DNASE1: variants seen among roughly 807,000 people sequenced by gnomAD.
DNASE1 encodes the protein deoxyribonuclease 1, also known as deoxyribonuclease-1.
In DNASE1, 40 loss-of-function variants were observed where a neutral mutation model predicts 33.9. The observed-to-expected ratio is 1.18, with a 90% CI of 0.92 to 1.54. The LOEUF (loss-of-function observed/expected upper bound fraction) is 1.54, where lower values mean the gene tolerates loss of function less well. Ranked by LOEUF, DNASE1 falls within the 40% of genes most tolerant of loss-of-function variation. DNASE1 has a pLI of 0.00. For missense variants in DNASE1, 518 were observed against 372.6 expected, an observed-to-expected ratio of 1.39 and a Z score of -3.21; for synonymous variants, 216 against 160.0, an observed-to-expected ratio of 1.35 and a Z score of -2.64.
chr16:3,656,906 C>A, intron 5 of DNASE1, 93 bp from the exon 6 acceptor site: 1 of 1,554,808 alleles, frequency 6.4e-7, no homozygotes, highest in Non-Finnish European at 8.7e-7. Flanking sequence ...ATCCACCCCC[C>A]GGGGGGACTG....
At chr16:3,623,719 AG>A (rs1347905259) in intron 1 of DNASE1, among the ~76,000 whole-genome samples, 1 of 152,146 alleles carries the variant, frequency 6.6e-6, no homozygotes, top group African/African-American at 2.4e-5. Context: ...GGATCACTTG[AG>A]GCCAGGAATT....
rs760293721 is a variant in DNASE1, at chr16:3,664,488, A to C, written c.*6535A>C. 2.5e-6 allele frequency: 4 copies of C among 1,587,560 alleles called. No homozygotes were observed. In the South Asian group the frequency reaches 4.6e-5, roughly 18 times the overall value. Reference sequence around the variant, plus strand: ...GAAGGGACGGGGCAGGTCACCACTTATTCCAGGCCCATGGGCTCAATGTTG... The same window carrying C: ...GAAGGGACGGGGCAGGTCACCACTTCTTCCAGGCCCATGGGCTCAATGTTG... On this transcript the variant is annotated 3_prime_UTR_variant, in exon 10 of 10. Coordinates refer to the DNASE1 transcript ENST00000407479.
chr16:3,664,756 C>T (rs537551825), exon 10 of DNASE1: 38 of 358,714 alleles, frequency 1.1e-4, no homozygotes, highest in Middle Eastern at 7.7e-4. Context: ...CAGCAGAGCC[C>T]GGCCTGGACC....
intron 1 of DNASE1, 42 bp from the exon 2 acceptor site, chr16:3,655,331 C>T (rs375169002): frequency 1.5e-5 from 24 of 1,612,238 alleles, no homozygotes; most frequent in African/African-American, 6.7e-5. Flanking sequence ...GCAGGGATGA[C>T]GTCTCACTTC....
At chr16:3,639,700 C>A (rs569433700), upstream of DNASE1, among the ~76,000 whole-genome samples, 1 of 152,168 alleles carries the variant, frequency 6.6e-6, no homozygotes, top group East Asian at 1.9e-4. Context: ...GGTTTCTGTC[C>A]CCTGGTGGGA....
chr16:3,637,330 C>T (rs962261618), intron 1 of DNASE1, among the ~76,000 whole-genome samples: 6 of 151,882 alleles, frequency 4.0e-5, no homozygotes, highest in Non-Finnish European at 5.9e-5. Flanking sequence ...CAGGTTTTTC[C>T]GTTCTATTCT....
At position 3,657,003 on chromosome 16, in the gene DNASE1, C is replaced by G. The variant is rs752528209; in HGVS notation, c.441C>G (p.Val147=). ...IVRFFSRFTE[V]REFAIVPLHA... ...ACGACGTGGCTGTCTCCACAGAGGT[C>G]AGGGAGTTTGCCATTGTTCCCCTGC... Residue 147 remains valine (V), a synonymous_variant, in exon 6 of 9, where the codon GTC becomes GTG. Transcript: ENST00000246949. 1.4e-5 allele frequency: 22 copies of G among 1,613,630 alleles called. No homozygotes were observed. In the South Asian group the frequency reaches 2.1e-4, roughly 15 times the overall value.
exon 10 of DNASE1, chr16:3,663,374 G>A (rs551498401): frequency 3.1e-5 from 50 of 1,610,922 alleles, no homozygotes; most frequent in East Asian, 2.0e-4. Flanking sequence ...CAGGAGAGGC[G>A]TGCGGGGAGT....
intron 1 of DNASE1, among the ~76,000 whole-genome samples, chr16:3,629,645 A>G (rs9933853): frequency 0.01 from 1,560 of 152,274 alleles, 26 homozygotes; most frequent in African/African-American, 0.036. Flanking sequence ...AGTTTTGAGA[A>G]GGGTTGGTAC....
At chr16:3,617,116 C>T (rs2041130485) in intron 1 of DNASE1, among the ~76,000 whole-genome samples, 1 of 151,696 alleles carries the variant, frequency 6.6e-6, no homozygotes, top group African/African-American at 2.4e-5. Context: ...CACCAGAGGT[C>T]AGGAGTTTGA....
chr16:3,634,338 C>T (rs1037127003), intron 1 of DNASE1, among the ~76,000 whole-genome samples: 3 of 152,046 alleles, frequency 2.0e-5, no homozygotes, highest in Non-Finnish European at 4.4e-5. Context: ...GCACCATTCT[C>T]CTGCCTCAGC....
chr16:3,664,333 T>TG lies in DNASE1; in HGVS notation c.*6385dup, dbSNP rs754043164. 49 of 1,612,670 alleles carry TG rather than the reference T, an allele frequency of 3.0e-5. No individual in the cohort carries two copies. The South Asian group carries it at 3.9e-4, about 13-fold the overall frequency. On this transcript the variant is annotated 3_prime_UTR_variant, in exon 10 of 10. Transcript: ENST00000407479. ...GGTGAGTGCTCTGCCAGGTGACGGTTGGGGGCGCACAGGTAGTAGATGTTG... is the reference window on the plus strand; with the variant it reads ...GGTGAGTGCTCTGCCAGGTGACGGTTGGGGGGCGCACAGGTAGTAGATGTTG...
intron 1 of DNASE1, among the ~76,000 whole-genome samples, chr16:3,631,607 C>T (rs1183575725): frequency 6.6e-6 from 1 of 152,160 alleles, no homozygotes; most frequent in Non-Finnish European, 1.5e-5. Context: ...TCACTGCAAC[C>T]TCTACCTCCC....
intron 1 of DNASE1, among the ~76,000 whole-genome samples, chr16:3,613,581 C>T (rs2040986352): frequency 6.6e-6 from 1 of 152,154 alleles, no homozygotes; most frequent in African/African-American, 2.4e-5. Context: ...GCTTGGAAAT[C>T]TAAGTTAGTT....
chr16:3,612,811 G>A (rs1220546456), intron 1 of DNASE1, among the ~76,000 whole-genome samples: 2 of 152,106 alleles, frequency 1.3e-5, no homozygotes, highest in Non-Finnish European at 2.9e-5. Context: ...AGAGCGGCCC[G>A]AATTAGGAGG....
intron 1 of DNASE1, among the ~76,000 whole-genome samples, chr16:3,615,232 AAG>A (rs2041059141): frequency 6.6e-6 from 1 of 152,190 alleles, no homozygotes; most frequent in Non-Finnish European, 1.5e-5. Flanking sequence ...GGCTAAGTAT[AAG>A]AGAGATGGCA....
Position 3,657,045 on chromosome 16 carries a change from C to T in DNASE1, c.483C>T (p.Asp161=), listed in dbSNP as rs201205627. The T allele has an allele frequency of 6.6e-5, 107 of 1,613,602 alleles. No individual in the cohort carries two copies. Among genetic ancestry groups the T allele is most frequent in the Middle Eastern group, 3.3e-4 (2 of 6,084 alleles). The change falls in exon 6 of 9, where the codon GAC becomes GAT. Residue 161 remains aspartate (D), a synonymous_variant. Coordinates refer to ENST00000246949, the MANE Select transcript of DNASE1 (RefSeq NM_005223.4). ...AIVPLHAAPG[D]AVAEIDALYD... ...TTCCCCTGCATGCGGCCCCGGGGGA[C>T]GCAGTAGCCGAGATCGACGCTCTCT...
At chr16:3,663,676 A>AACTGCCCCGGTGTTCC in exon 10 of DNASE1, 1 of 1,381,064 alleles carries the variant, frequency 7.2e-7, no homozygotes, top group Non-Finnish European at 9.8e-7. Context: ...ACTGGGGAAC[A>AACTGCCCCGGTGTTCC]CCGGGGCAGT....
At chr16:3,626,224 G>C (rs1022756385) in intron 1 of DNASE1, among the ~76,000 whole-genome samples, 1 of 151,702 alleles carries the variant, frequency 6.6e-6, no homozygotes, top group Non-Finnish European at 1.5e-5. Flanking sequence ...TAGAAAAACA[G>C]GCAAGAGACT....
Sources: gnomAD v4.1 joint callset for allele counts (sites outside exome capture counted in the v4.1 genomes callset) on GRCh38, gnomAD v4.1.1 for gene constraint, MANE v1.5 for transcripts, NCBI Gene and HGNC (gene_info 2026-07-23, HGNC 2026-07-21) for gene names.